STK32C: variants seen among roughly 807,000 people sequenced by gnomAD.
The protein encoded by STK32C is serine/threonine kinase 32C.
Under a neutral mutation model 56.5 loss-of-function variants are expected in STK32C, and 31 were observed. The observed-to-expected ratio is 0.55, with a 90% CI of 0.41 to 0.74. The LOEUF (loss-of-function observed/expected upper bound fraction) is 0.74, where lower values mean the gene tolerates loss of function less well. Ranked by LOEUF, STK32C falls within the 30% of genes least tolerant of loss-of-function variation. The pLI is 0.00. For missense variants in STK32C, 544 were observed against 676.9 expected (o/e 0.80, Z 2.18); for synonymous variants, 309 against 289.4 (o/e 1.07, Z -0.69).
chr10:132,316,213 T>A (rs1449166622), intron 1 of STK32C, among the ~76,000 whole-genome samples: 4 of 152,012 alleles, frequency 2.6e-5, no homozygotes, highest in Non-Finnish European at 2.9e-5. Flanking sequence ...TAAAAAAAAA[T>A]TTAAAAAATA....
At chr10:132,318,700 CAT>C (rs556095334) in intron 1 of STK32C, among the ~76,000 whole-genome samples, 72 of 151,986 alleles carry the variant, frequency 4.7e-4, no homozygotes, top group African/African-American at 1.7e-3. Flanking sequence ...GGCTGATACA[CAT>C]GTAAAATGTG....
At chr10:132,216,659 G>A (rs113526128) in intron 10 of STK32C, among the ~76,000 whole-genome samples, 7,013 of 152,182 alleles carry the variant, frequency 0.046, 285 homozygotes, top group East Asian at 0.2. Context: ...TTTCATGGGC[G>A]AGGTCCAGGG....
chr10:132,225,048 CCTT>C (rs547151802), intron 7 of STK32C, among the ~76,000 whole-genome samples, 182 bp downstream of exon 7: 75 of 152,356 alleles, frequency 4.9e-4, no homozygotes, highest in Middle Eastern at 3.4e-3. Context: ...GTGAGTCTGT[CCTT>C]CCTCCTCCTG....
chr10:132,282,429 G>A (rs995330816), intron 1 of STK32C, among the ~76,000 whole-genome samples: 5 of 151,958 alleles, frequency 3.3e-5, no homozygotes, highest in Non-Finnish European at 7.4e-5. Flanking sequence ...ACCTGTGCCT[G>A]CGCCCACCTG....
chr10:132,299,550 G>A (rs2065853400), intron 1 of STK32C, among the ~76,000 whole-genome samples: 1 of 152,262 alleles, frequency 6.6e-6, no homozygotes, highest in Non-Finnish European at 1.5e-5. Flanking sequence ...GTTTGCACCA[G>A]CCCGCAGCTC....
rs1408297538 is a variant in STK32C, at chr10:132,228,033, G to A, written c.414C>T (p.Val138=). ...QCIERDEVRN[V]FRELEILQEI... Reference sequence around the variant, plus strand: ...CCTGCAGGATCTCCAGCTCCCGGAAGACGTTGCGGACCTCGTCGCGCTCGA... The same window carrying A: ...CCTGCAGGATCTCCAGCTCCCGGAAAACGTTGCGGACCTCGTCGCGCTCGA... Residue 138 remains valine (V), a synonymous_variant, in exon 3 of 12, where the codon GTC becomes GTT. Transcript: ENST00000298630. 1 of 1,613,964 alleles carries A rather than the reference G, an allele frequency of 6.2e-7. No individual in the cohort carries two copies. The highest frequency in any genetic ancestry group is 2.2e-5 in the East Asian group (1 of 44,872).
chr10:132,327,990 G>A (rs564042008), intron 1 of STK32C, among the ~76,000 whole-genome samples: 50 of 152,168 alleles, frequency 3.3e-4, no homozygotes, highest in East Asian at 2.1e-3. Flanking sequence ...CAAGAGCATC[G>A]CTGAAAACCA....
At chr10:132,303,862 T>G (rs2065980019) in intron 1 of STK32C, among the ~76,000 whole-genome samples, 3 of 152,168 alleles carry the variant, frequency 2.0e-5, no homozygotes, top group African/African-American at 7.2e-5. Flanking sequence ...TCCCGCCAGC[T>G]CCGCTGGCAG....
intron 1 of STK32C, among the ~76,000 whole-genome samples, chr10:132,286,908 G>C (rs1332324821): frequency 6.6e-6 from 1 of 152,202 alleles, no homozygotes; most frequent in Middle Eastern, 3.2e-3. Context: ...CAATGAGGCA[G>C]AAAGTTTTAA....
intron 1 of STK32C, among the ~76,000 whole-genome samples, chr10:132,287,438 C>A (rs1355264563): frequency 6.7e-6 from 1 of 149,214 alleles, no homozygotes; most frequent in Non-Finnish European, 1.5e-5. Context: ...TACAGTGAGC[C>A]GAGATCGTGC....
intron 1 of STK32C, among the ~76,000 whole-genome samples, chr10:132,279,315 G>A (rs1436749850): frequency 3.9e-5 from 6 of 152,156 alleles, no homozygotes; most frequent in Non-Finnish European, 5.9e-5. Context: ...TCGTGCAGAC[G>A]TTACAAACTA....
chr10:132,222,545 G>T, intron 10 of STK32C, 96 bp downstream of exon 10: 6 of 1,473,204 alleles, frequency 4.1e-6, no homozygotes, highest in Non-Finnish European at 4.6e-6. Flanking sequence ...TCCGAGACGT[G>T]TGCGCTGCCA....
At position 132,245,950 on chromosome 10, in the gene STK32C, A is replaced by C. The variant is rs1341770077; in HGVS notation, c.268T>G (p.Phe90Val). ...GCCCGAAGGATCTGGAAGTGGTCGA[A>C]GTTCACTGCAGGATAAAACAGAGGG... ...PVFDDKEDVNFDHFQILRAIG... is the reference protein window; with the variant it reads ...PVFDDKEDVNVDHFQILRAIG... The change falls in exon 2 of 12, where the codon TTC becomes GTC. Residue 90 changes from phenylalanine to valine, a missense_variant. Phe to Val is a conservative substitution (Grantham distance 50, BLOSUM62 -1). Around this residue, in one of 3 missense-constraint regions of STK32C, gnomAD observed 182 missense variants for 217.7 expected, o/e 0.84. Coordinates refer to ENST00000298630, the MANE Select transcript of STK32C (RefSeq NM_173575.4). 6.2e-7 allele frequency: 1 copy of C among 1,613,604 alleles called. No homozygotes were observed.
chr10:132,235,836 G>A (rs536676935), intron 2 of STK32C, among the ~76,000 whole-genome samples: 5 of 152,306 alleles, frequency 3.3e-5, no homozygotes, highest in South Asian at 4.2e-4. Context: ...TGATGGGATC[G>A]TAAAGACCGT....
chr10:132,212,717 C>T (rs1417817663), intron 10 of STK32C, among the ~76,000 whole-genome samples: 1 of 152,254 alleles, frequency 6.6e-6, no homozygotes, highest in Non-Finnish European at 1.5e-5. Flanking sequence ...CGAAGAAACA[C>T]AGAGACGAGC....
downstream of STK32C, among the ~76,000 whole-genome samples, chr10:132,322,568 C>A (rs1392880286): frequency 6.6e-6 from 1 of 152,192 alleles, no homozygotes; most frequent in Non-Finnish European, 1.5e-5. Context: ...GCATAGCATA[C>A]CTGTGGGAAA....
intron 2 of STK32C, among the ~76,000 whole-genome samples, chr10:132,234,375 T>C (rs1331243726): frequency 1.3e-5 from 2 of 152,168 alleles, no homozygotes; most frequent in African/African-American, 4.8e-5. Flanking sequence ...CACATTCCCA[T>C]GCCTTGCCAC....
upstream of STK32C, among the ~76,000 whole-genome samples, chr10:132,312,861 A>G (rs561572628): frequency 6.6e-6 from 1 of 152,260 alleles, no homozygotes; most frequent in Admixed American, 6.5e-5. Context: ...CCAACATGGC[A>G]AAACTCTACC....
chr10:132,208,503 G>A (rs555698143), intron 11 of STK32C, among the ~76,000 whole-genome samples: 1 of 152,226 alleles, frequency 6.6e-6, no homozygotes, highest in East Asian at 1.9e-4. Flanking sequence ...TCAGCCGTCT[G>A]CACGTGCTGC....
Sources: gnomAD v4.1 joint callset for allele counts (sites outside exome capture counted in the v4.1 genomes callset) on GRCh38, gnomAD v4.1.1 for gene constraint, gnomAD v4.1.1 regional missense constraint, MANE v1.5 for transcripts, NCBI Gene and HGNC (gene_info 2026-07-23, HGNC 2026-07-21) for gene names.